The following LPGAT1 variants were observed in gnomAD, a reference collection of about 807,000 sequenced individuals.
LPGAT1 encodes the protein acyl-CoA:lysophosphatidylglycerol acyltransferase 1.
In LPGAT1, 11 loss-of-function variants were observed where a neutral mutation model predicts 47.5. The ratio of observed to expected loss-of-function variants is 0.23; its 90% CI spans 0.15 to 0.38. LPGAT1 has a LOEUF of 0.38. Ranked by LOEUF, LPGAT1 falls within the 10% of genes least tolerant of loss-of-function variation. The pLI, the probability that LPGAT1 is intolerant of heterozygous loss-of-function variation, is 1.00. For missense variants in LPGAT1, 293 were observed against 439.0 expected, an observed-to-expected ratio of 0.67 and a Z score of 2.97; for synonymous variants, 138 against 144.2, an observed-to-expected ratio of 0.96 and a Z score of 0.31.
intron 2 of LPGAT1, among the ~76,000 whole-genome samples, chr1:211,827,982 A>G (rs1049970665): frequency 7.9e-5 from 12 of 152,244 alleles, no homozygotes; most frequent in Non-Finnish European, 1.6e-4. Flanking sequence ...AGACTCCATA[A>G]AAGCTGTATA....
rs55738027 is a variant in LPGAT1, at chr1:211,754,330, A to G, written c.855-3263T>C. Reference sequence around the variant, plus strand: ...ATGCTGCCAGACTTTTGGAAGTTCTATGGTATAAGGTTGGCTCCTGGCTTT... The same window carrying G: ...ATGCTGCCAGACTTTTGGAAGTTCTGTGGTATAAGGTTGGCTCCTGGCTTT... On this transcript the variant is annotated intron_variant, in intron 6 of 7. Transcript: ENST00000366997. 8.4e-3 allele frequency among the ~76,000 whole-genome samples: 1,284 copies of G among 152,210 alleles called. 8 individuals carry two copies. Among genetic ancestry groups the G allele is most frequent in the Non-Finnish European group, 0.013 (857 of 68,006 alleles).
intron 2 of LPGAT1, among the ~76,000 whole-genome samples, chr1:211,794,237 A>G (rs1299296607): frequency 2.0e-5 from 3 of 152,224 alleles, no homozygotes; most frequent in Non-Finnish European, 2.9e-5. Context: ...GCCAAAATCT[A>G]TACGTACATT....
At chr1:211,766,134 T>C (rs11119809) in intron 6 of LPGAT1, among the ~76,000 whole-genome samples, 150,640 of 152,208 alleles carry the variant, frequency 0.99, 74,546 homozygotes, top group East Asian at 1. Context: ...CAAGGCCTTT[T>C]GACTTGGACC....
chr1:211,769,832 T>A (rs1658088908), intron 6 of LPGAT1, among the ~76,000 whole-genome samples: 1 of 152,176 alleles, frequency 6.6e-6, no homozygotes, highest in Non-Finnish European at 1.5e-5. Context: ...CAGCCTGTTT[T>A]ATCAGGAAGG....
In LPGAT1 at chr1:211,830,259, G is replaced by A; in HGVS notation, c.-28+314C>T. ...CCGCCGAGGGGTCGCGGTCATGGAC[G>A]CGGTGGCGGCCCAAGCGGCCCGAGG... On this transcript the variant is annotated intron_variant, in intron 1 of 7. Coordinates refer to ENST00000366997, the MANE Select transcript of LPGAT1 (RefSeq NM_014873.3). This position sits in a 1 kb window ranked among gnomAD's most constrained non-coding sequence, Gnocchi z 5.9. The A allele has an allele frequency of 2.0e-6, 2 of 999,194 alleles. No homozygotes were observed. The highest frequency in any genetic ancestry group is 1.7e-5 in the African/African-American group (1 of 57,620). The allele number at this position is 999,194 out of a possible 1,614,324, so 61.9% of individuals were successfully genotyped here. A position where few individuals can be genotyped will look rare whatever the true frequency, so the allele number is the denominator to read the frequency against.
At chr1:211,761,187 A>G (rs1352638030) in intron 6 of LPGAT1, among the ~76,000 whole-genome samples, 1 of 152,200 alleles carries the variant, frequency 6.6e-6, no homozygotes, top group Non-Finnish European at 1.5e-5. Flanking sequence ...TCCTCTCACC[A>G]AGGGAAAGGA....
intron 6 of LPGAT1, among the ~76,000 whole-genome samples, chr1:211,765,773 TATGTGTA>T (rs1657882766): frequency 6.6e-6 from 1 of 152,234 alleles, no homozygotes; most frequent in Admixed American, 6.5e-5. Flanking sequence ...ATTTTAGTTC[TATGTGTA>T]TAGGTTAATT....
At chr1:211,785,374 T>C (rs952112667) in intron 4 of LPGAT1, among the ~76,000 whole-genome samples, 2 of 152,184 alleles carry the variant, frequency 1.3e-5, no homozygotes, top group African/African-American at 4.8e-5. Flanking sequence ...AGAATTTTTC[T>C]TTTAAACATT....
Position 211,748,722 on chromosome 1 carries a change from G to C in LPGAT1, c.*1177C>G, listed in dbSNP as rs886684710. ...AAAGAAAAAGCAACTGGAAGAGATT[G>C]GGGGGAGCCTTATGTGCTGGTATCG... On this transcript the variant is annotated 3_prime_UTR_variant, in exon 8 of 8. Transcript: ENST00000366997. 6.5e-6 allele frequency: 1 copy of C among 152,998 alleles called. No individual in the cohort carries two copies. Among genetic ancestry groups the C allele is most frequent in the Non-Finnish European group, 1.5e-5 (1 of 68,418 alleles). The allele number at this position is 152,998 out of a possible 1,614,324, so 9.5% of individuals were successfully genotyped here.
intron 6 of LPGAT1, among the ~76,000 whole-genome samples, chr1:211,757,609 A>G (rs1657518470): frequency 6.6e-6 from 1 of 152,166 alleles, no homozygotes; most frequent in Non-Finnish European, 1.5e-5. Context: ...GCATTCCATG[A>G]CTATTTTCAT....
intron 4 of LPGAT1, among the ~76,000 whole-genome samples, chr1:211,787,146 C>T (rs531333138): frequency 6.6e-6 from 1 of 152,254 alleles, no homozygotes; most frequent in Non-Finnish European, 1.5e-5. Context: ...CTTATCCATA[C>T]TCAAATTTAG....
chr1:211,771,392 C>T (rs1222673171), intron 6 of LPGAT1, among the ~76,000 whole-genome samples: 1 of 152,156 alleles, frequency 6.6e-6, no homozygotes, highest in Admixed American at 6.5e-5. Flanking sequence ...TGACTGTATA[C>T]TCAATACTTA....
intron 2 of LPGAT1, among the ~76,000 whole-genome samples, chr1:211,803,826 C>A (rs1401753090): frequency 6.8e-6 from 1 of 146,478 alleles, no homozygotes; most frequent in African/African-American, 2.5e-5. Flanking sequence ...AGTGGCACAA[C>A]CTTGGCTCAC....
intron 1 of LPGAT1, chr1:211,829,561 T>G: frequency 7.4e-7 from 1 of 1,345,222 alleles, no homozygotes; most frequent in Non-Finnish European, 9.6e-7. Context: ...ACAATATATT[T>G]AGCAAATGAT....
rs67342051 is a variant in LPGAT1, at chr1:211,774,132, C to CTTTTTTTTTTTTTTT, written c.854+4771_854+4785dup. 3.1e-3 allele frequency among the ~76,000 whole-genome samples: 210 copies of CTTTTTTTTTTTTTTT among 66,828 alleles called. 49 individuals are homozygous for CTTTTTTTTTTTTTTT. Among genetic ancestry groups the CTTTTTTTTTTTTTTT allele is most frequent in the East Asian group, 0.021 (34 of 1,612 alleles). 43.8% of individuals were successfully genotyped at this position (66,828 alleles called of 152,430 possible). The stretch of plus-strand genomic sequence containing the variant: ...AAAGTGCTTTGTGTTTTTTAAAAGT[C>CTTTTTTTTTTTTTTT]TTTTTTTTTTTTTTTTTTTTGAGAC... On this transcript the variant is annotated intron_variant, in intron 6 of 7. Coordinates refer to ENST00000366997, the MANE Select transcript of LPGAT1 (RefSeq NM_014873.3).
At chr1:211,754,319 T>C (rs1014679180) in intron 6 of LPGAT1, among the ~76,000 whole-genome samples, 2 of 152,204 alleles carry the variant, frequency 1.3e-5, no homozygotes, top group African/African-American at 2.4e-5. Context: ...TGCCAGACTT[T>C]TGGAAGTTCT....
intron 6 of LPGAT1, among the ~76,000 whole-genome samples, chr1:211,767,045 C>T (rs567327413): frequency 1.3e-5 from 2 of 152,288 alleles, no homozygotes; most frequent in South Asian, 2.1e-4. Context: ...AACATCATTA[C>T]AGAAACACAG....
chr1:211,781,996 A>G (rs1337356828), intron 5 of LPGAT1, among the ~76,000 whole-genome samples: 1 of 152,244 alleles, frequency 6.6e-6, no homozygotes, highest in Non-Finnish European at 1.5e-5. Context: ...GAGAAAAATA[A>G]TACATAATGT....
chr1:211,792,711 C>CTTTTTTTT (rs34552405), intron 3 of LPGAT1, among the ~76,000 whole-genome samples: 2 of 104,586 alleles, frequency 1.9e-5, no homozygotes, highest in African/African-American at 3.7e-5. Context: ...AATTGATTCC[C>CTTTTTTTT]TTTTTTTTTT....
Sources: gnomAD v4.1 joint callset for allele counts (sites outside exome capture counted in the v4.1 genomes callset) on GRCh38, gnomAD v4.1.1 for gene constraint, Gnocchi (gnomAD v3.1) non-coding constraint, MANE v1.5 for transcripts, NCBI Gene and HGNC (gene_info 2026-07-23, HGNC 2026-07-21) for gene names.